TMEM38A: variants seen among roughly 807,000 people sequenced by gnomAD.
The protein encoded by TMEM38A is transmembrane protein 38A, also known as trimeric intracellular cation channel type A.
TMEM38A carries 17 observed loss-of-function variants against 28.6 expected under a neutral mutation model. That is an observed-to-expected ratio of 0.60 (90% confidence interval 0.41 to 0.89). TMEM38A has a LOEUF of 0.89. Ranked by LOEUF, TMEM38A falls within the 40% of genes least tolerant of loss-of-function variation. The probability of loss-of-function intolerance (pLI) is 0.00; values close to 1 mark genes in which losing one functional copy is unlikely to be tolerated. For missense variants in TMEM38A, 328 were observed against 393.1 expected, an observed-to-expected ratio of 0.83 and a Z score of 1.40; for synonymous variants, 169 against 166.1, an observed-to-expected ratio of 1.02 and a Z score of -0.14.
At chr19:16,668,352 C>T (rs2086712090) in intron 1 of TMEM38A, among the ~76,000 whole-genome samples, 1 of 152,004 alleles carries the variant, frequency 6.6e-6, no homozygotes, top group Non-Finnish European at 1.5e-5. Flanking sequence ...GGAGACCAGC[C>T]TGGCCAACAC....
chr19:16,684,495 A>G (rs1003866004), intron 4 of TMEM38A, among the ~76,000 whole-genome samples: 1 of 152,118 alleles, frequency 6.6e-6, no homozygotes, highest in African/African-American at 2.4e-5. Flanking sequence ...AAAAAAAGCA[A>G]TGAGAGACAG....
intron 1 of TMEM38A, among the ~76,000 whole-genome samples, chr19:16,674,540 C>A (rs2086741619): frequency 6.6e-6 from 1 of 151,922 alleles, no homozygotes; most frequent in South Asian, 2.1e-4. Flanking sequence ...TGGCTCACAC[C>A]TATAATCCCA....
intron 5 of TMEM38A, among the ~76,000 whole-genome samples, chr19:16,687,368 A>G (rs8108356): frequency 0.17 from 25,732 of 151,826 alleles, 3,846 homozygotes; most frequent in African/African-American, 0.41. Flanking sequence ...TACAAATACA[A>G]AAATTAACCA....
At chr19:16,672,231 G>C (rs2086730613) in intron 1 of TMEM38A, among the ~76,000 whole-genome samples, 1 of 152,020 alleles carries the variant, frequency 6.6e-6, no homozygotes, top group Non-Finnish European at 1.5e-5. Context: ...AAGAGATGTG[G>C]AGAGAAAAAA....
chr19:16,680,624 C>T (rs765334217), intron 3 of TMEM38A, 43 bp downstream of exon 3: 1 of 1,598,194 alleles, frequency 6.3e-7, no homozygotes, highest in Non-Finnish European at 8.6e-7. Context: ...CAGTGGAGAA[C>T]TTTTGGTTCA....
chr19:16,682,979 T>G (rs1418699664), intron 4 of TMEM38A, among the ~76,000 whole-genome samples: 1 of 152,096 alleles, frequency 6.6e-6, no homozygotes, highest in East Asian at 1.9e-4. Context: ...TGTTTTTTAT[T>G]TTTTTATTTT....
intron 1 of TMEM38A, among the ~76,000 whole-genome samples, chr19:16,672,445 C>CTTTT (rs1491240988): frequency 1.9e-4 from 19 of 100,436 alleles, no homozygotes; most frequent in African/African-American, 9.2e-4. Flanking sequence ...AAAAAAACCT[C>CTTTT]ATTTTTTTTT....
At chr19:16,666,988 G>T (rs1434400853) in intron 1 of TMEM38A, among the ~76,000 whole-genome samples, 4 of 151,068 alleles carry the variant, frequency 2.6e-5, no homozygotes, top group Non-Finnish European at 5.9e-5. Context: ...CAGAGTTCTG[G>T]CCAAGCTCAG....
At chr19:16,670,041 C>T (rs1197143277) in intron 1 of TMEM38A, among the ~76,000 whole-genome samples, 1 of 151,988 alleles carries the variant, frequency 6.6e-6, no homozygotes, top group Admixed American at 6.6e-5. Flanking sequence ...GCGATCTCAG[C>T]TCACCGCAAC....
At chr19:16,679,440 C>T (rs1378295996) in intron 1 of TMEM38A, among the ~76,000 whole-genome samples, 1 of 152,046 alleles carries the variant, frequency 6.6e-6, no homozygotes, top group Non-Finnish European at 1.5e-5. Context: ...GGATTACAGG[C>T]ATGCACTACC....
At chr19:16,676,842 C>G (rs987199287) in intron 1 of TMEM38A, among the ~76,000 whole-genome samples, 1 of 146,472 alleles carries the variant, frequency 6.8e-6, no homozygotes, top group Non-Finnish European at 1.5e-5. Flanking sequence ...CTCACTGCAA[C>G]CTCTGCCTCC....
At chr19:16,662,490 G>A (rs111323173) in intron 1 of TMEM38A, among the ~76,000 whole-genome samples, 11,172 of 118,118 alleles carry the variant, frequency 0.095, 680 homozygotes, top group African/African-American at 0.2. Context: ...GTTTCGCTCT[G>A]TCGCCCAGGC....
chr19:16,675,130 A>G (rs561966583), intron 1 of TMEM38A, among the ~76,000 whole-genome samples: 64 of 152,272 alleles, frequency 4.2e-4, no homozygotes, highest in African/African-American at 1.4e-3. Flanking sequence ...GGGCACTAAC[A>G]TGGTCAAGTT....
intron 1 of TMEM38A, among the ~76,000 whole-genome samples, chr19:16,668,135 C>G (rs762337234): frequency 6.6e-6 from 1 of 151,728 alleles, no homozygotes; most frequent in Non-Finnish European, 1.5e-5. Context: ...CTTAAACCTG[C>G]GAGGCGGAGG....
At chr19:16,678,241 C>T (rs1384281228) in intron 1 of TMEM38A, among the ~76,000 whole-genome samples, 1 of 151,930 alleles carries the variant, frequency 6.6e-6, no homozygotes, top group Non-Finnish European at 1.5e-5. Flanking sequence ...CTATCCTGGC[C>T]AACATGGTGA....
chr19:16,678,831 C>A lies in TMEM38A; in HGVS notation c.125-1153C>A, dbSNP rs954037765. 6.6e-5 allele frequency among the ~76,000 whole-genome samples: 9 copies of A among 135,948 alleles called. No individual in the cohort carries two copies. In the East Asian group the frequency reaches 1.4e-3, roughly 21 times the overall value. The allele number at this position is 135,948 out of a possible 152,430, so 89.2% of individuals were successfully genotyped here. ...AATGTATATTTTACAAAAAAAAATT[C>A]TTTTTAAGACAGCAGGTGTAAGAAT... On this transcript the variant is annotated intron_variant, in intron 1 of 5. Coordinates refer to ENST00000187762, the MANE Select transcript of TMEM38A (RefSeq NM_024074.4).
rs746189021 is a variant in TMEM38A at position 16,672,446 on chromosome 19, A to ATTTTTTTTTTTTTTT, written c.125-7532_125-7518dup. Reference sequence around the variant, plus strand: ...TAAAAAAAAATCACAAAAAAACCTCATTTTTTTTTTTTTTTTTTTTGAGGC... The same window carrying ATTTTTTTTTTTTTTT: ...TAAAAAAAAATCACAAAAAAACCTCATTTTTTTTTTTTTTTTTTTTTTTTTTTTTTTTTTTGAGGC... On this transcript the variant is annotated intron_variant, in intron 1 of 5. Coordinates refer to ENST00000187762, the MANE Select transcript of TMEM38A (RefSeq NM_024074.4). 3.8e-5 allele frequency among the ~76,000 whole-genome samples: 4 copies of ATTTTTTTTTTTTTTT among 104,998 alleles called. 1 individual carries two copies. Among genetic ancestry groups the ATTTTTTTTTTTTTTT allele is most frequent in the African/African-American group, 1.3e-4 (3 of 23,416 alleles). The allele number at this position is 104,998 out of a possible 152,430, so 68.9% of individuals were successfully genotyped here. A position where few individuals can be genotyped will look rare whatever the true frequency, so the allele number is the denominator to read the frequency against.
chr19:16,672,787 G>T (rs1008036009), intron 1 of TMEM38A, among the ~76,000 whole-genome samples: 13 of 151,984 alleles, frequency 8.6e-5, no homozygotes, highest in East Asian at 1.9e-4. Context: ...TTTTCACTCA[G>T]CAGTAAGCTT....
chr19:16,669,749 C>T (rs1314860791), intron 1 of TMEM38A, among the ~76,000 whole-genome samples: 3 of 152,008 alleles, frequency 2.0e-5, no homozygotes, highest in Admixed American at 6.6e-5. Flanking sequence ...TCGGTCAGTA[C>T]CCCATGCTTC....
Sources: allele counts gnomAD v4.1 joint callset (sites outside exome capture counted in the v4.1 genomes callset), GRCh38; gene constraint gnomAD v4.1.1; transcripts MANE v1.5; gene names NCBI Gene and HGNC (gene_info 2026-07-23, HGNC 2026-07-21).